The following NFIX variants were observed in gnomAD, a reference collection of about 807,000 sequenced individuals.
NFIX encodes the protein nuclear factor 1 X-type.
In NFIX, 2 loss-of-function variants were observed where a neutral mutation model predicts 53.3. The ratio of observed to expected loss-of-function variants is 0.04; its 90% CI spans 0.02 to 0.12. The LOEUF is 0.12. Ranked by LOEUF, NFIX falls within the 10% of genes least tolerant of loss-of-function variation. The probability of loss-of-function intolerance (pLI) is 1.00; values close to 1 mark genes in which losing one functional copy is unlikely to be tolerated. For synonymous variants in NFIX, 244 were observed against 289.0 expected (o/e 0.84, Z 1.58); for missense variants, 310 against 674.5 (o/e 0.46, Z 5.99).
Position 13,067,104 on chromosome 19 carries a change from TGTGCCCTGGACGCTCCAGAATCTCA to T in NFIX, c.560-5941_560-5917del. Among the ~76,000 whole-genome samples the T allele has an allele frequency of 6.6e-6, 1 of 152,344 alleles. No homozygotes were observed. The highest frequency in any genetic ancestry group is 1.9e-4 in the East Asian group (1 of 5,190). ...TGGCTCCCCTTGAGATTGGGTTTCC[TGTGCCCTGGACGCTCCAGAATCTCA>T]GAGGAAGCGGGAGAGAAGTAGGAGG... On this transcript the variant is annotated intron_variant, in intron 2 of 10. Coordinates refer to ENST00000592199, the MANE Select transcript of NFIX (RefSeq NM_001365902.3). The surrounding 1 kb of genome is among the most constrained non-coding windows in gnomAD (Gnocchi z 4.2).
chr19:13,062,080 C>T (rs1038399652), intron 2 of NFIX, among the ~76,000 whole-genome samples: 2 of 152,154 alleles, frequency 1.3e-5, no homozygotes, highest in Non-Finnish European at 2.9e-5. Context: ...CAGTGGCTGC[C>T]TTCGGGTCTC....
intron 2 of NFIX, among the ~76,000 whole-genome samples, chr19:13,065,735 G>A (rs903798735): frequency 9.9e-5 from 15 of 152,176 alleles, no homozygotes; most frequent in African/African-American, 3.6e-4. Context: ...GTGCCTCCTG[G>A]CTTCTTCTGC....
chr19:13,083,967 A>G (rs117332249), intron 8 of NFIX, among the ~76,000 whole-genome samples: 5,127 of 152,340 alleles, frequency 0.034, 96 homozygotes, highest in Middle Eastern at 0.082. Flanking sequence ...GCGAGAGTCA[A>G]CTAGAGCCCT....
chr19:13,087,957 T>C, intron 8 of NFIX, 32 bp from the exon 9 acceptor site: 1 of 1,535,810 alleles, frequency 6.5e-7, no homozygotes, highest in Non-Finnish European at 8.7e-7. Flanking sequence ...GTGATGTGCC[T>C]TCATGCGTCA....
chr19:13,053,252 T>G (rs1369235509), intron 2 of NFIX, among the ~76,000 whole-genome samples: 2 of 152,194 alleles, frequency 1.3e-5, no homozygotes, highest in Non-Finnish European at 2.9e-5. Context: ...CCGAGTGCTC[T>G]GCTTCTCTTT....
intron 2 of NFIX, chr19:13,070,562 G>A (rs911859462): frequency 1.3e-5 from 2 of 152,536 alleles, no homozygotes; most frequent in African/African-American, 4.8e-5. Flanking sequence ...GATTTCCCAT[G>A]TCTCTGCCTT....
At chr19:13,019,731 G>GTTTT (rs60597655) in intron 1 of NFIX, among the ~76,000 whole-genome samples, 5 of 129,944 alleles carry the variant, frequency 3.8e-5, no homozygotes, top group African/African-American at 6.1e-5. Context: ...TTGTTTGTTT[G>GTTTT]TTTTTTTTTT....
rs1026043547 is a variant in NFIX, at chr19:13,049,890, C to G, written c.560-23157C>G. Among the ~76,000 whole-genome samples, 1 of 152,218 alleles carries G rather than the reference C, an allele frequency of 6.6e-6. No individual in the cohort carries two copies. Among genetic ancestry groups the G allele is most frequent in the Non-Finnish European group, 1.5e-5 (1 of 68,044 alleles). On this transcript the variant is annotated intron_variant, in intron 2 of 10. Transcript: ENST00000592199. The surrounding 1 kb of genome is among the most constrained non-coding windows in gnomAD (Gnocchi z 4.5). ...TACAGGCGAGAGCCACTGCACCCGG[C>G]CAGTTCCTTTTTAAGGCCAAATAAT...
At chr19:13,020,552 A>G (rs964407926) in intron 1 of NFIX, among the ~76,000 whole-genome samples, 1 of 152,208 alleles carries the variant, frequency 6.6e-6, no homozygotes, top group African/African-American at 2.4e-5. Context: ...TATTTGCCTG[A>G]GAATCTTCTG....
At position 13,068,282 on chromosome 19, in the gene NFIX, G is replaced by A. The variant is rs2016556607; in HGVS notation, c.560-4765G>A. 6.6e-6 allele frequency among the ~76,000 whole-genome samples: 1 copy of A among 152,128 alleles called. No homozygotes were observed. The highest frequency in any genetic ancestry group is 1.5e-5 in the Non-Finnish European group (1 of 68,036). ...CCTGCAAACAGCAGAAGGAAGAGGG[G>A]GGTGCTGAAGAGGTGAGGGGGAGGC... On this transcript the variant is annotated intron_variant, in intron 2 of 10. Transcript: ENST00000592199. The surrounding 1 kb of genome is among the most constrained non-coding windows in gnomAD (Gnocchi z 4.2).
rs2015393771 is a variant in NFIX, at chr19:13,052,599, C to G, written c.560-20448C>G. Among the ~76,000 whole-genome samples the G allele has an allele frequency of 1.3e-5, 2 of 152,204 alleles. No individual in the cohort carries two copies. Among genetic ancestry groups the G allele is most frequent in the Non-Finnish European group, 1.5e-5 (1 of 68,032 alleles). On this transcript the variant is annotated intron_variant, in intron 2 of 10. Transcript: ENST00000592199. The surrounding 1 kb of genome is among the most constrained non-coding windows in gnomAD (Gnocchi z 5.2). ...TGGCTTAGATAAGACAATCCAGATT[C>G]TCTCAGAGAAACAGTCACATGTCAG...
At chr19:13,087,437 G>T (rs1273794883) in intron 8 of NFIX, among the ~76,000 whole-genome samples, 1 of 152,112 alleles carries the variant, frequency 6.6e-6, no homozygotes, top group Non-Finnish European at 1.5e-5. Context: ...GACCCAGGCT[G>T]CTGGAGCCGA....
Position 13,060,471 on chromosome 19 carries a change from T to C in NFIX, c.560-12576T>C, listed in dbSNP as rs531976005. Among the ~76,000 whole-genome samples, 4 of 152,310 alleles carry C rather than the reference T, an allele frequency of 2.6e-5. No individual in the cohort carries two copies. Among genetic ancestry groups the C allele is most frequent in the African/African-American group, 9.6e-5 (4 of 41,572 alleles). On this transcript the variant is annotated intron_variant, in intron 2 of 10. Coordinates refer to ENST00000592199, the MANE Select transcript of NFIX (RefSeq NM_001365902.3). This position sits in a 1 kb window ranked among gnomAD's most constrained non-coding sequence, Gnocchi z 4.3. ...GTGCTGCACCCTCTGACCACAACTT[T>C]GTGGGGCGCCTGCTGTGTGCAGAAT...
Position 13,067,459 on chromosome 19 carries a change from C to T in NFIX, c.560-5588C>T, listed in dbSNP as rs570246640. ...GGTTAGTGGCACCTCCGTGTGTGTG[C>T]GCGCGTGTGTGTGTGTGTGTGTGCG... On this transcript the variant is annotated intron_variant, in intron 2 of 10. Coordinates refer to ENST00000592199, the MANE Select transcript of NFIX (RefSeq NM_001365902.3). The surrounding 1 kb of genome is among the most constrained non-coding windows in gnomAD (Gnocchi z 4.2). 2.8e-5 allele frequency among the ~76,000 whole-genome samples: 4 copies of T among 141,384 alleles called. No homozygotes were observed. Among genetic ancestry groups the T allele is most frequent in the Admixed American group, 7.2e-5 (1 of 13,894 alleles). The allele number at this position is 141,384 out of a possible 152,430, so 92.8% of individuals were successfully genotyped here.
intron 2 of NFIX, among the ~76,000 whole-genome samples, chr19:13,050,020 A>C (rs1428739024): frequency 1.3e-5 from 2 of 152,216 alleles, no homozygotes; most frequent in Non-Finnish European, 2.9e-5. Context: ...GTAAACATGC[A>C]TGTACAAGCA....
chr19:13,030,058 T>C (rs923767840), intron 2 of NFIX, among the ~76,000 whole-genome samples: 3 of 152,166 alleles, frequency 2.0e-5, no homozygotes, highest in East Asian at 3.9e-4. Flanking sequence ...ACCCCCACCA[T>C]GGACCCTGTG....
intron 2 of NFIX, among the ~76,000 whole-genome samples, chr19:13,044,091 C>T (rs1163814688): frequency 6.6e-6 from 1 of 152,234 alleles, no homozygotes; most frequent in African/African-American, 2.4e-5. Context: ...CTCTGTGATA[C>T]TCCACCTTAC....
At chr19:13,010,048 G>A (rs1314315805) in intron 1 of NFIX, among the ~76,000 whole-genome samples, 1 of 152,184 alleles carries the variant, frequency 6.6e-6, no homozygotes, top group East Asian at 1.9e-4. Flanking sequence ...GGCCCTCCGA[G>A]GTCCAGGGCG....
At chr19:13,085,514 C>T (rs542501337) in intron 8 of NFIX, among the ~76,000 whole-genome samples, 53 of 152,286 alleles carry the variant, frequency 3.5e-4, no homozygotes, top group Admixed American at 3.1e-3. Context: ...TGAGGGGAGG[C>T]GTCGCATCAC....
Sources: allele counts gnomAD v4.1 joint callset (sites outside exome capture counted in the v4.1 genomes callset), GRCh38; gene constraint gnomAD v4.1.1; non-coding constraint Gnocchi (gnomAD v3.1); transcripts MANE v1.5; gene names NCBI Gene and HGNC (gene_info 2026-07-23, HGNC 2026-07-21).